The following AACS variants were observed in gnomAD, a reference collection of about 807,000 sequenced individuals.
AACS encodes the protein acetoacetyl-CoA synthetase.
In AACS, 69 loss-of-function variants were observed where a neutral mutation model predicts 83.1. The observed-to-expected ratio is 0.83, with a 90% CI of 0.68 to 1.01. The LOEUF (loss-of-function observed/expected upper bound fraction) is 1.01, where lower values mean the gene tolerates loss of function less well. AACS is among the 50% of genes least tolerant of loss of function. The pLI, the probability that AACS is intolerant of heterozygous loss-of-function variation, is 0.00. For synonymous variants in AACS, 333 were observed against 343.4 expected (o/e 0.97, Z 0.33); for missense variants, 866 against 882.2 (o/e 0.98, Z 0.23).
intron 14 of AACS, among the ~76,000 whole-genome samples, chr12:125,132,756 G>A (rs185905408): frequency 3.3e-5 from 5 of 152,300 alleles, no homozygotes; most frequent in African/African-American, 1.2e-4. Flanking sequence ...GCCTCCCAGG[G>A]ACCATGCACT....
rs1265031936 is a variant in AACS, at chr12:125,074,069, C to A, written c.237+90C>A. On this transcript the variant is annotated intron_variant, in intron 2 of 17. Coordinates refer to ENST00000316519, the MANE Select transcript of AACS (RefSeq NM_023928.5). ...TTTTGGGGAATACTGAATTGTATCT[C>A]CTTTTTACAACCTCATGCAGATGGG... The A allele has an allele frequency of 3.8e-6, 4 of 1,063,980 alleles. No homozygotes were observed. In the East Asian group the frequency reaches 9.6e-5, roughly 26 times the overall value. The allele number at this position is 1,063,980 out of a possible 1,614,324, so 65.9% of individuals were successfully genotyped here.
intron 15 of AACS, 57 bp from the exon 16 acceptor site, chr12:125,134,737 T>C: frequency 1.3e-6 from 2 of 1,598,996 alleles, no homozygotes; most frequent in Non-Finnish European, 1.7e-6. Context: ...GTGGGACCCC[T>C]GGGACTTGCT....
In AACS at chr12:125,129,352, G is replaced by C. The variant is rs1234426771; in HGVS notation, c.1441G>C (p.Glu481Gln). ...CATACCAGGAAAGGCGGTCTGGGGA[G>C]AGAGCGGCGAGCTGGTGTGTACTAA... The part of the protein sequence containing the change: ...WNEEGKAVWG[E>Q]SGELVCTKPI... Residue 481 changes from glutamate to glutamine, a missense_variant, in exon 14 of 18, where the codon GAG (glutamate) becomes CAG (glutamine). Physicochemically the swap from Glu to Gln is conservative, Grantham distance 29. Coordinates refer to ENST00000316519, the MANE Select transcript of AACS (RefSeq NM_023928.5). This position sits in a 1 kb window ranked among gnomAD's most constrained non-coding sequence, Gnocchi z 4.3. 3.1e-6 allele frequency: 5 copies of C among 1,613,456 alleles called. No individual in the cohort carries two copies. The highest frequency in any genetic ancestry group is 3.4e-6 in the Non-Finnish European group (4 of 1,179,878).
intron 3 of AACS, among the ~76,000 whole-genome samples, chr12:125,086,086 G>A (rs113019277): frequency 2.0e-5 from 3 of 152,134 alleles, no homozygotes; most frequent in Non-Finnish European, 2.9e-5. Context: ...CCCCTGCACC[G>A]GGCCTAATAG....
rs754704680 is a variant in AACS, at chr12:125,097,900, G to C, written c.571-4779G>C. ...GCCTCTCCACTGTCCTCCTTCATAC[G>C]TTTGATTGAGCGGTTCCTCGGTTCC... On this transcript the variant is annotated intron_variant, in intron 5 of 17. Coordinates refer to ENST00000316519, the MANE Select transcript of AACS (RefSeq NM_023928.5). The surrounding 1 kb of genome is among the most constrained non-coding windows in gnomAD (Gnocchi z 4.3). Among the ~76,000 whole-genome samples the C allele has an allele frequency of 1.3e-5, 2 of 152,170 alleles. No homozygotes were observed. The highest frequency in any genetic ancestry group is 2.9e-5 in the Non-Finnish European group (2 of 68,036).
chr12:125,132,484 TC>T (rs1265619629), intron 14 of AACS, among the ~76,000 whole-genome samples: 1 of 152,148 alleles, frequency 6.6e-6, no homozygotes, highest in Non-Finnish European at 1.5e-5. Flanking sequence ...GCTCTCATCT[TC>T]CAGGGCTGCC....
At chr12:125,078,106 G>A (rs1466473143) in intron 3 of AACS, 1 of 456,074 alleles carries the variant, frequency 2.2e-6, no homozygotes, top group Non-Finnish European at 4.4e-6. Context: ...ATCAGCACAA[G>A]AAACCAAACC....
intron 17 of AACS, 152 bp from the exon 18 acceptor site, chr12:125,141,940 C>T (rs966950898): frequency 1.1e-6 from 1 of 912,076 alleles, no homozygotes; most frequent in Non-Finnish European, 1.7e-6. Flanking sequence ...CGTTTGCAGA[C>T]CTGGTGGGAA....
At chr12:125,139,556 G>A (rs770784271) in intron 17 of AACS, 22 of 152,372 alleles carry the variant, frequency 1.4e-4, no homozygotes, top group Non-Finnish European at 1.9e-4. Context: ...CAGTCCCCGT[G>A]CCTCTGTTTC....
chr12:125,082,334 G>A (rs1956210842), intron 3 of AACS, among the ~76,000 whole-genome samples: 2 of 151,020 alleles, frequency 1.3e-5, no homozygotes, highest in Non-Finnish European at 1.5e-5. Flanking sequence ...ACTGTGCCTG[G>A]CTATTTCATT....
rs189791467 is a variant in AACS, at chr12:125,092,133, G to A, written c.570+610G>A. Among the ~76,000 whole-genome samples, 402 of 152,260 alleles carry A rather than the reference G, an allele frequency of 2.6e-3. 1 individual carries two copies. The highest frequency in any genetic ancestry group is 9.3e-3 in the African/African-American group (385 of 41,562). The stretch of plus-strand genomic sequence containing the variant: ...TTTCCACGGGGCAAATGAAGCAGCC[G>A]CAGAGCGGGTCTTCCTGGGGCCCCC... On this transcript the variant is annotated intron_variant, in intron 5 of 17. Coordinates refer to ENST00000316519, the MANE Select transcript of AACS (RefSeq NM_023928.5).
At chr12:125,086,940 C>T (rs561369358) in intron 4 of AACS, among the ~76,000 whole-genome samples, 16 of 152,050 alleles carry the variant, frequency 1.1e-4, no homozygotes, top group African/African-American at 2.9e-4. Context: ...GCAGCAGAAA[C>T]GGCCTGTGAA....
chr12:125,138,055 G>T (rs1473187762), intron 17 of AACS, among the ~76,000 whole-genome samples: 1 of 152,218 alleles, frequency 6.6e-6, no homozygotes, highest in Non-Finnish European at 1.5e-5. Context: ...CTGTCCAGGA[G>T]TGGGGGCTGG....
chr12:125,076,420 A>C, intron 2 of AACS, 71 bp from the exon 3 acceptor site: 1 of 1,567,430 alleles, frequency 6.4e-7, no homozygotes, highest in East Asian at 2.3e-5. Context: ...TTTGTGACAT[A>C]GTCTCATGTT....
chr12:125,089,008 G>A (rs1312085017), intron 4 of AACS, among the ~76,000 whole-genome samples: 3 of 152,178 alleles, frequency 2.0e-5, no homozygotes, highest in African/African-American at 7.2e-5. Context: ...CTGTGAAGTG[G>A]TTCCCAGGGT....
Position 125,129,350 on chromosome 12 carries a change from G to T in AACS, c.1439G>T (p.Gly480Val), listed in dbSNP as rs750460738. Residue 480 changes from glycine to valine, a missense_variant, in exon 14 of 18, where the codon GGA (glycine) becomes GTA (valine). Coordinates refer to ENST00000316519, the MANE Select transcript of AACS (RefSeq NM_023928.5). The surrounding 1 kb of genome is among the most constrained non-coding windows in gnomAD (Gnocchi z 4.3). ...CCCATACCAGGAAAGGCGGTCTGGG[G>T]AGAGAGCGGCGAGCTGGTGTGTACT... ...AWNEEGKAVW[G>V]ESGELVCTKP... is the part of the protein sequence containing the mutation. 6.2e-7 allele frequency: 1 copy of T among 1,613,548 alleles called. No individual in the cohort carries two copies.
At chr12:125,108,072 C>G (rs1427842558) in intron 8 of AACS, among the ~76,000 whole-genome samples, 1 of 152,074 alleles carries the variant, frequency 6.6e-6, no homozygotes, top group Non-Finnish European at 1.5e-5. Flanking sequence ...GTGCTGGGGG[C>G]GTTGTAAAAC....
At position 125,134,059 on chromosome 12, in the gene AACS, A is replaced by T; in HGVS notation, c.1606A>T (p.Met536Leu). 1 of 1,614,060 alleles carries T rather than the reference A, an allele frequency of 6.2e-7. No individual in the cohort carries two copies. The highest frequency in any genetic ancestry group is 8.5e-7 in the Non-Finnish European group (1 of 1,179,994). ...CAACCCCAAGACCGGGGGCATCGTCATGCTTGGCCGGAGGTAAGGGCTGCA... is the reference window on the plus strand; with the variant it reads ...CAACCCCAAGACCGGGGGCATCGTCTTGCTTGGCCGGAGGTAAGGGCTGCA... ...RINPKTGGIV[M>L]LGRSDGTLNP... is the part of the protein sequence containing the mutation. Residue 536 changes from methionine to leucine, a missense_variant, in exon 15 of 18, where the codon ATG (methionine) becomes TTG (leucine). Met to Leu is a conservative substitution (Grantham distance 15, BLOSUM62 2). Coordinates refer to ENST00000316519, the MANE Select transcript of AACS (RefSeq NM_023928.5).
chr12:125,068,334 C>CT (rs1397671832), intron 1 of AACS, among the ~76,000 whole-genome samples: 6 of 152,154 alleles, frequency 3.9e-5, no homozygotes, highest in African/African-American at 1.4e-4. Context: ...TGGCATGCGC[C>CT]TGTAGTCCCA....
Sources: allele counts gnomAD v4.1 joint callset (sites outside exome capture counted in the v4.1 genomes callset), GRCh38; gene constraint gnomAD v4.1.1; non-coding constraint Gnocchi (gnomAD v3.1); transcripts MANE v1.5; gene names NCBI Gene and HGNC (gene_info 2026-07-23, HGNC 2026-07-21).